Variants in NBPF15 observed in about 807,000 individuals in gnomAD.
The protein encoded by NBPF15 is NBPF family member NBPF15.
Under a neutral mutation model 62.2 loss-of-function variants are expected in NBPF15, and 74 were observed. That is an observed-to-expected ratio of 1.19 (90% CI 0.99 to 1.44). The LOEUF (loss-of-function observed/expected upper bound fraction) is 1.44. Among genes scored for constraint, NBPF15 ranks in the 40% most tolerant of loss-of-function variants. NBPF15 has a pLI of 0.00. For synonymous variants in NBPF15, 244 were observed against 209.7 expected (o/e 1.16, Z -1.41); for missense variants, 790 against 550.0 (o/e 1.44, Z -4.36).
Position 144,435,157 on chromosome 1 carries a change from G to C in NBPF15, c.726C>G (p.Gly242=), listed in dbSNP as rs1162878132. ...CCTCCCATTCAACATGAGAGGATGA[G>C]CCAATGAGAGTTGAGTCGACTTTGT... ...EEDKVDSTLI[G]SSSHVEWEDA... Residue 242 remains glycine, a synonymous_variant, in exon 12 of 22, where the codon GGC becomes GGG. Transcript: ENST00000581897. 1.9e-6 allele frequency: 3 copies of C among 1,612,864 alleles called. No individual in the cohort carries two copies. In the Admixed American group the frequency reaches 5.0e-5, roughly 27 times the overall value.
chr1:144,457,157 A>G (rs1384247373), intron 3 of NBPF15, among the ~76,000 whole-genome samples: 45 of 151,532 alleles, frequency 3.0e-4, no homozygotes, highest in Non-Finnish European at 6.1e-4. Context: ...GCCTGGGGGA[A>G]AAAAAAATAA....
intron 4 of NBPF15, among the ~76,000 whole-genome samples, chr1:144,453,375 C>G (rs1208888675): frequency 6.6e-6 from 1 of 151,420 alleles, no homozygotes; most frequent in African/African-American, 2.4e-5. Flanking sequence ...CATAAGAATC[C>G]TAGGAGATAA....
At chr1:144,445,755 A>C (rs1309271082) in intron 6 of NBPF15, among the ~76,000 whole-genome samples, 4 of 151,346 alleles carry the variant, frequency 2.6e-5, no homozygotes, top group African/African-American at 9.7e-5. Flanking sequence ...ATCCATGACA[A>C]GGTTTATCTC....
intron 6 of NBPF15, among the ~76,000 whole-genome samples, chr1:144,447,973 G>A (rs1165988956): frequency 6.6e-6 from 1 of 152,056 alleles, no homozygotes. Flanking sequence ...GGCAGCATCA[G>A]CCACTGTCGG....
At position 144,423,164 on chromosome 1, in the gene NBPF15, T is replaced by A. The variant is rs6660068; in HGVS notation, c.1862A>T (p.Gln621Leu). The A allele has an allele frequency of 0.029, 47,116 of 1,598,182 alleles. 4,606 individuals are homozygous for A. The highest frequency in any genetic ancestry group is 0.29 in the African/African-American group (20,919 of 72,140). Residue 621 changes from glutamine (Q) to leucine (L), a missense_variant, in exon 22 of 22, where the codon CAA becomes CTA. Gln to Leu is a moderately radical substitution (Grantham distance 113, BLOSUM62 -2). Coordinates refer to ENST00000581897, the MANE Select transcript of NBPF15 (RefSeq NM_001385408.1). ...CYSTPSMYFE[Q>L]PDSFQHYRSV... is the part of the protein sequence containing the mutation. ...TCTGTAGTGCTGGAATGAGTCAGGT[T>A]GTTCAAAGTACATTGACGGAGTCGA...
intron 13 of NBPF15, among the ~76,000 whole-genome samples, chr1:144,430,936 C>A (rs1553540117): frequency 6.6e-6 from 1 of 151,982 alleles, no homozygotes; most frequent in African/African-American, 2.4e-5. Context: ...CATGCACAAG[C>A]TTCAGTAGCC....
intron 6 of NBPF15, among the ~76,000 whole-genome samples, chr1:144,445,547 T>A (rs1686894020): frequency 6.7e-6 from 1 of 149,456 alleles, no homozygotes; most frequent in Non-Finnish European, 1.5e-5. Context: ...ATTCTGGAAA[T>A]AGGTAGTGAA....
Position 144,445,853 on chromosome 1 carries a change from C to CTT in NBPF15, c.-191+2920_-191+2921dup, listed in dbSNP as rs1229682742. On this transcript the variant is annotated intron_variant, in intron 6 of 21. Transcript: ENST00000581897. ...CCTTACATAAATTTTGTTGACTTTC[C>CTT]TTTTTTTTTTTTTTTTTTTTTGAAA... 2.2e-3 allele frequency among the ~76,000 whole-genome samples: 229 copies of CTT among 105,382 alleles called. 1 individual carries two copies. The highest frequency in any genetic ancestry group is 3.5e-3 in the African/African-American group (91 of 26,346). 69.1% of individuals were successfully genotyped at this position (105,382 alleles called of 152,430 possible).
At chr1:144,423,716 C>T (rs1472360203) in intron 21 of NBPF15, among the ~76,000 whole-genome samples, 154 bp downstream of exon 21, 2 of 151,834 alleles carry the variant, frequency 1.3e-5, no homozygotes, top group African/African-American at 4.8e-5. Context: ...AAATGGAAAC[C>T]TAAACATCTA....
chr1:144,447,834 T>C (rs1481573053), intron 6 of NBPF15, among the ~76,000 whole-genome samples: 3 of 152,066 alleles, frequency 2.0e-5, no homozygotes, highest in Non-Finnish European at 2.9e-5. Context: ...CTACATGGCA[T>C]TGGGGCTGGT....
At chr1:144,444,086 G>C (rs1222040281) in intron 6 of NBPF15, among the ~76,000 whole-genome samples, 2 of 151,482 alleles carry the variant, frequency 1.3e-5, no homozygotes, top group African/African-American at 4.9e-5. Flanking sequence ...GTATTCCTTC[G>C]TGTGGCTATA....
chr1:144,458,652 C>T (rs1274715026), intron 3 of NBPF15, among the ~76,000 whole-genome samples: 5 of 150,264 alleles, frequency 3.3e-5, no homozygotes, highest in African/African-American at 7.4e-5. Context: ...TGCAGTCATC[C>T]GATTTAAGAA....
chr1:144,433,277 G>T (rs1675844778), intron 13 of NBPF15, among the ~76,000 whole-genome samples: 1 of 152,036 alleles, frequency 6.6e-6, no homozygotes, highest in African/African-American at 2.4e-5. Flanking sequence ...CAACATACCA[G>T]AATCTCTGAG....
intron 20 of NBPF15, among the ~76,000 whole-genome samples, 192 bp downstream of exon 20, chr1:144,424,498 G>T (rs1271284839): frequency 6.6e-6 from 1 of 152,044 alleles, no homozygotes; most frequent in Non-Finnish European, 1.5e-5. Flanking sequence ...TAGGAAGAGA[G>T]TCTTGCTCAC....
At chr1:144,431,386 C>A (rs1400994337) in intron 13 of NBPF15, among the ~76,000 whole-genome samples, 2 of 150,336 alleles carry the variant, frequency 1.3e-5, no homozygotes, top group Admixed American at 6.6e-5. Context: ...TTGGCACAAA[C>A]CCTACAAGCC....
intron 4 of NBPF15, among the ~76,000 whole-genome samples, chr1:144,455,076 G>C (rs1693541048): frequency 1.4e-5 from 2 of 147,358 alleles, no homozygotes; most frequent in Admixed American, 6.8e-5. Context: ...AAGAATGGAG[G>C]GAGGGAAGGA....
In NBPF15 at chr1:144,438,046, T is replaced by C. The variant is rs782420963; in HGVS notation, c.177A>G (p.Lys59=). 2.5e-6 allele frequency: 4 copies of C among 1,611,302 alleles called. No individual in the cohort carries two copies. The highest frequency in any genetic ancestry group is 2.5e-6 in the Non-Finnish European group (3 of 1,179,800). The change falls in exon 9 of 22, where the codon AAA becomes AAG. Residue 59 remains lysine, a splice_region_variant and synonymous_variant. Transcript: ENST00000581897. ...GFLANRQKKY[K]YEECKDLIKF... ...TTATGAGATCTTTGCACTCTTCATATTCTGAGAAAAGACAGACACGCCTGC... is the reference window on the plus strand; with the variant it reads ...TTATGAGATCTTTGCACTCTTCATACTCTGAGAAAAGACAGACACGCCTGC...
At chr1:144,442,427 T>A in intron 6 of NBPF15, among the ~76,000 whole-genome samples, 1 of 143,334 alleles carries the variant, frequency 7.0e-6, no homozygotes, top group East Asian at 2.0e-4. Context: ...ATTATATATA[T>A]ATATTTTTTT....
chr1:144,429,125 C>G (rs1209908476), intron 14 of NBPF15, among the ~76,000 whole-genome samples: 2 of 151,778 alleles, frequency 1.3e-5, no homozygotes, highest in African/African-American at 4.9e-5. Context: ...GCTATTATGG[C>G]TTTTGTGGGT....
Sources: gnomAD v4.1 joint callset for allele counts (sites outside exome capture counted in the v4.1 genomes callset) on GRCh38, gnomAD v4.1.1 for gene constraint, MANE v1.5 for transcripts, NCBI Gene and HGNC (gene_info 2026-07-23, HGNC 2026-07-21) for gene names.